UPF3B: variants seen among roughly 807,000 people sequenced by gnomAD.
UPF3B encodes UPF3B regulator of nonsense mediated mRNA decay.
Under a neutral mutation model 40.3 loss-of-function variants are expected in UPF3B, and 7 were observed. That is an observed-to-expected ratio of 0.17 (90% CI 0.10 to 0.33). The LOEUF (loss-of-function observed/expected upper bound fraction) is 0.33, where lower values mean the gene tolerates loss of function less well. UPF3B is among the 10% of genes least tolerant of loss of function. The probability of loss-of-function intolerance (pLI) is 1.00; values close to 1 mark genes in which losing one functional copy is unlikely to be tolerated. For missense variants in UPF3B, 229 were observed against 358.9 expected (o/e 0.64, Z 2.93); for synonymous variants, 117 against 117.3 (o/e 1.00, Z 0.01).
Position 119,851,806 on chromosome X carries a change from G to C in UPF3B, c.224C>G (p.Pro75Arg). 9.2e-7 allele frequency: 1 copy of C among 1,082,471 alleles called. No homozygotes were observed. The highest frequency in any genetic ancestry group is 1.9e-5 in the South Asian group (1 of 53,487). 89.2% of individuals were successfully genotyped at this position (1,082,471 alleles called of 1,213,427 possible). A position where few individuals can be genotyped will look rare whatever the true frequency, so the allele number is the denominator to read the frequency against. The change falls in exon 2 of 11, where the codon CCT becomes CGT. Residue 75 changes from proline to arginine, a missense_variant. By Grantham distance (103) the Pro-to-Arg change is moderately radical. Around this residue, in one of 3 missense-constraint regions of UPF3B, gnomAD observed 87 missense variants for 184.2 expected, o/e 0.47. Coordinates refer to ENST00000276201, the MANE Select transcript of UPF3B (RefSeq NM_080632.3). ...EQLQEHLQPM[P>R]EHDYFEFFSN... is the part of the protein sequence containing the mutation. ...AAAAAACTCAAAATAATCATGCTCA[G>C]GCATAGGTTGAAGATGTTCCTGAAG... is the stretch of plus-strand genomic sequence containing the variant.
chrX:119,821,714 T>C (rs1040683720), intron 4 of UPF3B, among the ~76,000 whole-genome samples: 2 of 110,475 alleles, frequency 1.8e-5, no homozygotes, highest in Non-Finnish European at 3.8e-5. Flanking sequence ...AGGAGAATAA[T>C]TTGAACCCGG....
intron 3 of UPF3B, among the ~76,000 whole-genome samples, chrX:119,825,502 A>G (rs1048605585): frequency 8.9e-6 from 1 of 112,025 alleles, no homozygotes; most frequent in African/African-American, 3.2e-5. Context: ...CATGGATTTC[A>G]AAATCTTTTT....
chrX:119,816,956 AT>A (rs1835383943), intron 4 of UPF3B, among the ~76,000 whole-genome samples: 1 of 111,044 alleles, frequency 9.0e-6, no homozygotes, highest in South Asian at 3.7e-4. Context: ...ATTTTATTTT[AT>A]TTTTATTTAT....
intron 10 of UPF3B, 77 bp downstream of exon 10, chrX:119,837,680 G>A (rs186471646): frequency 2.1e-6 from 2 of 960,800 alleles, no homozygotes; most frequent in Non-Finnish European, 2.9e-6. Flanking sequence ...TATAATAACA[G>A]TGCCCTTTAC....
At chrX:119,841,705 T>C (rs778816706) in intron 6 of UPF3B, 30 bp downstream of exon 6, 3 of 1,179,505 alleles carry the variant, frequency 2.5e-6, no homozygotes, top group Admixed American at 4.4e-5. Context: ...AATTAAAGTA[T>C]TGAGAGAACT....
intron 4 of UPF3B, among the ~76,000 whole-genome samples, chrX:119,819,786 G>A (rs1369490885): frequency 1.9e-5 from 2 of 105,763 alleles, no homozygotes; most frequent in African/African-American, 3.4e-5. Context: ...ACGATGAGAA[G>A]TTTATATTTT....
intron 10 of UPF3B, 144 bp from the exon 11 acceptor site, chrX:119,835,171 T>A: frequency 1.6e-6 from 1 of 641,000 alleles, no homozygotes; most frequent in Non-Finnish European, 2.4e-6. Context: ...AAATGACAAC[T>A]TGCCTACTTC....
At chrX:119,835,229 A>C (rs772916568) in intron 10 of UPF3B, among the ~76,000 whole-genome samples, 6 of 111,661 alleles carry the variant, frequency 5.4e-5, no homozygotes, top group Non-Finnish European at 9.4e-5. Context: ...TTACTATTTT[A>C]TATGCTTGGG....
chrX:119,852,738 C>T, intron 1 of UPF3B, 35 bp downstream of exon 1: 1 of 1,211,792 alleles, frequency 8.3e-7, no homozygotes, highest in Non-Finnish European at 1.1e-6. Flanking sequence ...GCGGACTCGT[C>T]CCGCCCTCTC....
At chrX:119,823,113 T>C (rs1029557910) in intron 3 of UPF3B, 14 of 494,726 alleles carry the variant, frequency 2.8e-5, no homozygotes, top group Middle Eastern at 1.3e-3. Context: ...TTTTAGGTTA[T>C]ACCTTATATA....
intron 4 of UPF3B, among the ~76,000 whole-genome samples, chrX:119,821,826 C>A (rs2428995): frequency 0.14 from 15,617 of 109,325 alleles, 1,715 homozygotes; most frequent in African/African-American, 0.37. Context: ...ACAAAAAAAA[C>A]CTCACAGCTG....
intron 3 of UPF3B, among the ~76,000 whole-genome samples, chrX:119,825,171 A>G (rs2055968075): frequency 8.9e-6 from 1 of 112,161 alleles, no homozygotes; most frequent in African/African-American, 3.2e-5. Flanking sequence ...ATTGACTCAC[A>G]GTTCCACATG....
At chrX:119,807,439 C>G (rs1569457983) in intron 6 of UPF3B, 2 of 874,485 alleles carry the variant, frequency 2.3e-6, no homozygotes, top group East Asian at 1.6e-4. Flanking sequence ...CTTAACACTC[C>G]CTTCCTCCTT....
At position 119,812,233 on chromosome X, in the gene UPF3B, A is replaced by G. The variant is rs1169034002; in HGVS notation, c.602+2967T>C. Among the ~76,000 whole-genome samples, 4 of 109,366 alleles carry G rather than the reference A, an allele frequency of 3.7e-5. No individual in the cohort carries two copies. The Admixed American group carries it at 3.9e-4, about 11-fold the overall frequency. 95.0% of individuals were successfully genotyped at this position (109,366 alleles called of 115,157 possible). A position where few individuals can be genotyped will look rare whatever the true frequency, so the allele number is the denominator to read the frequency against. ...GCACCACTGCACTACAGCCTGGGTGACAGAGCAAGACTCTGTCTTAAAAAA... is the reference window on the plus strand; with the variant it reads ...GCACCACTGCACTACAGCCTGGGTGGCAGAGCAAGACTCTGTCTTAAAAAA... On this transcript the variant is annotated intron_variant, in intron 5 of 6. Coordinates refer to the UPF3B transcript ENST00000636792.
In UPF3B at chrX:119,852,748, C is replaced by T. The variant is rs984676861; in HGVS notation, c.156+25G>A. 1.2e-5 allele frequency: 14 copies of T among 1,211,255 alleles called. No individual in the cohort carries two copies. In the Middle Eastern group the frequency reaches 2.1e-3, roughly 183 times the overall value. ...GCGCTGCGGACTCGTCCCGCCCTCTCCCGGGCCAGCGGCCGACCGGGCACC... is the reference window on the plus strand; with the variant it reads ...GCGCTGCGGACTCGTCCCGCCCTCTTCCGGGCCAGCGGCCGACCGGGCACC... On this transcript the variant is annotated intron_variant, in intron 1 of 10. Transcript: ENST00000276201.
rs1386664724 is a variant in UPF3B, at chrX:119,834,600, T to C, written c.*278A>G. Reference sequence around the variant, plus strand: ...ATGTGATGAAGTCCTCACTTGACAATTCCCCCTGCAAATTGCAATGCATGT... The same window carrying C: ...ATGTGATGAAGTCCTCACTTGACAACTCCCCCTGCAAATTGCAATGCATGT... On this transcript the variant is annotated 3_prime_UTR_variant, in exon 11 of 11. Coordinates refer to ENST00000276201, the MANE Select transcript of UPF3B (RefSeq NM_080632.3). 2 of 1,013,472 alleles carry C rather than the reference T, an allele frequency of 2.0e-6. No homozygotes were observed. Among genetic ancestry groups the C allele is most frequent in the Admixed American group, 4.4e-5 (1 of 22,646 alleles). 83.5% of individuals were successfully genotyped at this position (1,013,472 alleles called of 1,213,427 possible).
downstream of UPF3B, among the ~76,000 whole-genome samples, chrX:119,832,066 C>CAT (rs2056042877): frequency 8.9e-6 from 1 of 111,771 alleles, no homozygotes; most frequent in South Asian, 3.7e-4. Context: ...TACAGGCGAT[C>CAT]CTCCCATCTC....
chrX:119,805,536 CAG>C (rs1285459730), intron 6 of UPF3B: 1 of 111,754 alleles, frequency 8.9e-6, no homozygotes, highest in East Asian at 2.8e-4. Context: ...AAACTACCAT[CAG>C]GGTGAACAGG....
At chrX:119,818,807 C>T (rs138117069) in intron 4 of UPF3B, among the ~76,000 whole-genome samples, 2,048 of 111,357 alleles carry the variant, frequency 0.018, 54 homozygotes, top group African/African-American at 0.062. Flanking sequence ...GCCGCAATTA[C>T]GTTGGCACCA....
Sources: gnomAD v4.1 joint callset for allele counts (sites outside exome capture counted in the v4.1 genomes callset) on GRCh38, gnomAD v4.1.1 for gene constraint, gnomAD v4.1.1 regional missense constraint, MANE v1.5 for transcripts, NCBI Gene and HGNC (gene_info 2026-07-23, HGNC 2026-07-21) for gene names.